Variants in LUC7L2 observed in about 807,000 individuals in gnomAD.
LUC7L2 encodes the protein putative RNA-binding protein Luc7-like 2.
A neutral mutation model predicts 52.8 loss-of-function variants in LUC7L2; 25 were observed. The ratio of observed to expected loss-of-function variants is 0.47; its 90% CI spans 0.34 to 0.66. LUC7L2 has a LOEUF of 0.66. Among genes scored for constraint, LUC7L2 ranks in the 30% least tolerant of loss-of-function variants. The pLI is 0.01. For missense variants in LUC7L2, 328 were observed against 497.8 expected (o/e 0.66, Z 3.25); for synonymous variants, 144 against 160.9 (o/e 0.89, Z 0.80).
At chr7:139,354,429 T>C (rs1799549459) in intron 1 of LUC7L2, among the ~76,000 whole-genome samples, 1 of 151,924 alleles carries the variant, frequency 6.6e-6, no homozygotes, top group Admixed American at 6.5e-5. Context: ...TGGCACGATC[T>C]TGGCTCATTG....
chr7:139,396,442 CAAAA>C (rs566393671), intron 2 of LUC7L2, among the ~76,000 whole-genome samples: 216 of 151,790 alleles, frequency 1.4e-3, no homozygotes, highest in Non-Finnish European at 2.6e-3. Flanking sequence ...GACCTTGTCT[CAAAA>C]AAAGAAGAAA....
intron 2 of LUC7L2, among the ~76,000 whole-genome samples, chr7:139,382,396 A>T (rs1330100687): frequency 6.6e-6 from 1 of 150,654 alleles, no homozygotes; most frequent in Non-Finnish European, 1.5e-5. Context: ...TTATTTATTT[A>T]TTTTTTGAGA....
At chr7:139,349,426 G>C (rs1799377534) in intron 1 of LUC7L2, among the ~76,000 whole-genome samples, 1 of 152,098 alleles carries the variant, frequency 6.6e-6, no homozygotes. Context: ...ATAATCAGCT[G>C]AAGTCGGTGT....
intron 8 of LUC7L2, chr7:139,412,818 C>CT (rs1407131774): frequency 6.2e-6 from 1 of 160,244 alleles, no homozygotes; most frequent in Non-Finnish European, 1.1e-5. Flanking sequence ...GAATAGGACT[C>CT]TGTCTTTAAA....
intron 1 of LUC7L2, chr7:139,341,122 C>G: frequency 2.5e-6 from 1 of 398,696 alleles, no homozygotes; most frequent in Non-Finnish European, 4.2e-6. Context: ...AAGAAAAGCC[C>G]CTGTTTCCCC....
At chr7:139,415,684 G>A (rs888821964) in intron 8 of LUC7L2, among the ~76,000 whole-genome samples, 2 of 149,806 alleles carry the variant, frequency 1.3e-5, no homozygotes, top group African/African-American at 2.5e-5. Flanking sequence ...TTGTAGATAC[G>A]GGGTCTCCCT....
At chr7:139,407,117 A>T in intron 5 of LUC7L2, 57 bp from the exon 6 acceptor site, 3 of 1,476,304 alleles carry the variant, frequency 2.0e-6, no homozygotes, top group Non-Finnish European at 9.0e-7. Flanking sequence ...TATTTTATTT[A>T]ATTGTATGAC....
At chr7:139,350,657 T>G (rs79873577) in intron 1 of LUC7L2, among the ~76,000 whole-genome samples, 1,945 of 150,754 alleles carry the variant, frequency 0.013, 52 homozygotes, top group African/African-American at 0.045. Context: ...GCTTTTCCCT[T>G]GGCTTTGATG....
At chr7:139,354,745 G>T (rs551254497) in intron 1 of LUC7L2, among the ~76,000 whole-genome samples, 1 of 152,286 alleles carries the variant, frequency 6.6e-6, no homozygotes, top group South Asian at 2.1e-4. Flanking sequence ...GAGAAAAAAA[G>T]TTTTGGCTCA....
At chr7:139,387,377 T>G (rs1794248355) in intron 2 of LUC7L2, among the ~76,000 whole-genome samples, 1 of 151,912 alleles carries the variant, frequency 6.6e-6, no homozygotes, top group African/African-American at 2.4e-5. Context: ...GTATATTCAG[T>G]AGAGACACGA....
intron 2 of LUC7L2, among the ~76,000 whole-genome samples, chr7:139,387,273 A>T (rs1794243178): frequency 6.6e-6 from 1 of 152,114 alleles, no homozygotes; most frequent in South Asian, 2.1e-4. Context: ...GGCTCACTGC[A>T]AGCTCCGCCT....
intron 2 of LUC7L2, 46 bp from the exon 3 acceptor site, chr7:139,398,553 A>G (rs768500321): frequency 6.6e-7 from 1 of 1,523,476 alleles, no homozygotes; most frequent in African/African-American, 1.4e-5. Context: ...AGCATTTTTT[A>G]AAAAACTTTT....
At chr7:139,347,709 A>G (rs755369181) in intron 1 of LUC7L2, among the ~76,000 whole-genome samples, 1 of 152,188 alleles carries the variant, frequency 6.6e-6, no homozygotes, top group Non-Finnish European at 1.5e-5. Context: ...AATGTTTAAC[A>G]TACCTTTTTT....
intron 1 of LUC7L2, chr7:139,345,828 T>C: frequency 9.5e-7 from 1 of 1,051,070 alleles, no homozygotes; most frequent in South Asian, 1.9e-5. Context: ...TACTAGTTCT[T>C]AGGGGAATTA....
intron 1 of LUC7L2, among the ~76,000 whole-genome samples, chr7:139,352,057 T>TG (rs891251448): frequency 6.6e-6 from 1 of 151,894 alleles, no homozygotes; most frequent in Non-Finnish European, 1.5e-5. Context: ...TAGCCAGGTG[T>TG]GGTGGCATGC....
intron 1 of LUC7L2, among the ~76,000 whole-genome samples, chr7:139,370,571 C>T (rs1034132116): frequency 6.6e-6 from 1 of 152,162 alleles, no homozygotes; most frequent in South Asian, 2.1e-4. Flanking sequence ...GATTCTCCCA[C>T]CCCAGCCTCT....
chr7:139,385,518 G>A (rs1794157186), intron 2 of LUC7L2, among the ~76,000 whole-genome samples: 1 of 151,704 alleles, frequency 6.6e-6, no homozygotes, highest in Non-Finnish European at 1.5e-5. Context: ...AGAGACTCTC[G>A]CCATGCTGTC....
rs372855450 is a variant in LUC7L2, at chr7:139,341,716, C to CGG, written c.-26+1207_-26+1208dup. Among the ~76,000 whole-genome samples the CGG allele has an allele frequency of 1.3e-4, 19 of 150,360 alleles. No homozygotes were observed. The South Asian group carries it at 1.7e-3, about 13-fold the overall frequency. ...ATAAACTCGGGGACCAAAGGACCAG[C>CGG]GGGGGGGGGCGCAGAGTCGCTCTGG... On this transcript the variant is annotated intron_variant, in intron 1 of 10. Coordinates refer to the LUC7L2 transcript ENST00000541170.
chr7:139,390,739 G>C (rs1350410480), intron 2 of LUC7L2, among the ~76,000 whole-genome samples: 1 of 151,732 alleles, frequency 6.6e-6, no homozygotes, highest in African/African-American at 2.4e-5. Context: ...TGTATTTTTA[G>C]TAGAGACGGG....
Sources: gnomAD v4.1 joint callset for allele counts (sites outside exome capture counted in the v4.1 genomes callset) on GRCh38, gnomAD v4.1.1 for gene constraint, MANE v1.5 for transcripts, NCBI Gene and HGNC (gene_info 2026-07-23, HGNC 2026-07-21) for gene names.